HS3ST4: variants seen among roughly 807,000 people sequenced by gnomAD.
The protein encoded by HS3ST4 is heparan sulfate glucosamine 3-O-sulfotransferase 4.
A neutral mutation model predicts 29.2 loss-of-function variants in HS3ST4; 17 were observed. That is an observed-to-expected ratio of 0.58 (90% CI 0.40 to 0.87). The LOEUF is 0.87. Ranked by LOEUF, HS3ST4 falls within the 40% of genes least tolerant of loss-of-function variation. HS3ST4 has a pLI of 0.00. For missense variants in HS3ST4, 627 were observed against 634.5 expected (o/e 0.99, Z 0.13); for synonymous variants, 314 against 285.7 (o/e 1.10, Z -1.00).
intron 1 of HS3ST4, among the ~76,000 whole-genome samples, chr16:25,761,595 G>C (rs1350786347): frequency 1.3e-5 from 2 of 152,162 alleles, no homozygotes; most frequent in Non-Finnish European, 2.9e-5. Flanking sequence ...AGCCTAACAT[G>C]AAGATTGAGC....
At chr16:25,951,960 C>G (rs955742411) in intron 1 of HS3ST4, among the ~76,000 whole-genome samples, 2 of 150,960 alleles carry the variant, frequency 1.3e-5, no homozygotes, top group African/African-American at 2.4e-5. Context: ...GCACATGTAC[C>G]CTGGAACTTA....
chr16:25,731,207 C>A (rs1966567993), intron 1 of HS3ST4, among the ~76,000 whole-genome samples: 1 of 152,178 alleles, frequency 6.6e-6, no homozygotes, highest in Non-Finnish European at 1.5e-5. Flanking sequence ...CAGCCTCCTG[C>A]CATTGGAGGT....
intron 1 of HS3ST4, among the ~76,000 whole-genome samples, chr16:25,741,976 T>C (rs1483535381): frequency 1.3e-5 from 2 of 152,082 alleles, no homozygotes; most frequent in African/African-American, 4.8e-5. Context: ...AAAAAAAGAG[T>C]ATGTGAGTAA....
intron 1 of HS3ST4, among the ~76,000 whole-genome samples, chr16:25,778,291 T>G (rs1174195473): frequency 6.6e-6 from 1 of 152,206 alleles, no homozygotes; most frequent in Non-Finnish European, 1.5e-5. Context: ...TTGAGGGCCT[T>G]AGCTCTGGTA....
intron 1 of HS3ST4, among the ~76,000 whole-genome samples, chr16:25,774,102 C>A (rs998443365): frequency 1.3e-5 from 2 of 152,150 alleles, no homozygotes; most frequent in Admixed American, 1.3e-4. Context: ...AAGAACTAGT[C>A]CCTGCCCATG....
intron 1 of HS3ST4, among the ~76,000 whole-genome samples, chr16:25,757,432 A>T (rs1249323845): frequency 6.6e-6 from 1 of 151,992 alleles, no homozygotes; most frequent in Non-Finnish European, 1.5e-5. Context: ...CATTTCTTAT[A>T]AGTTGAAGAT....
At chr16:25,721,244 A>G (rs186962477) in intron 1 of HS3ST4, among the ~76,000 whole-genome samples, 1 of 152,156 alleles carries the variant, frequency 6.6e-6, no homozygotes, top group African/African-American at 2.4e-5. Context: ...TTTTCTTTAA[A>G]TGTGCCTGTG....
intron 1 of HS3ST4, among the ~76,000 whole-genome samples, chr16:25,708,733 A>G (rs993014777): frequency 1.3e-5 from 2 of 152,124 alleles, no homozygotes; most frequent in African/African-American, 4.8e-5. Context: ...TTTCTTCTGT[A>G]TTTATGGGTT....
At chr16:25,821,889 A>G (rs1967160809) in intron 1 of HS3ST4, among the ~76,000 whole-genome samples, 1 of 152,086 alleles carries the variant, frequency 6.6e-6, no homozygotes, top group African/African-American at 2.4e-5. Context: ...AGCCAACTCC[A>G]TCTCTTAAAG....
intron 1 of HS3ST4, among the ~76,000 whole-genome samples, chr16:25,802,741 G>A (rs765237208): frequency 6.6e-6 from 1 of 151,968 alleles, no homozygotes; most frequent in Admixed American, 6.6e-5. Context: ...CAATGTATTC[G>A]TTATGTTTAT....
At chr16:25,788,544 C>CTTTTT (rs565611368) in intron 1 of HS3ST4, among the ~76,000 whole-genome samples, 16 of 123,550 alleles carry the variant, frequency 1.3e-4, no homozygotes, top group Admixed American at 1.9e-4. Context: ...TTTCTTCTTT[C>CTTTTT]TTTTTTTTTT....
At chr16:26,003,085 A>T (rs1362066014) in intron 1 of HS3ST4, among the ~76,000 whole-genome samples, 1 of 152,186 alleles carries the variant, frequency 6.6e-6, no homozygotes, top group African/African-American at 2.4e-5. Context: ...AGATTGGTTA[A>T]ATCTCTGTCA....
At chr16:26,104,097 A>T (rs1215634938) in intron 1 of HS3ST4, among the ~76,000 whole-genome samples, 7 of 152,212 alleles carry the variant, frequency 4.6e-5, no homozygotes, top group Non-Finnish European at 1.0e-4. Context: ...TGATGTAACC[A>T]CTAGGTGAGT....
At chr16:25,980,804 C>G (rs1968996612) in intron 1 of HS3ST4, among the ~76,000 whole-genome samples, 1 of 152,140 alleles carries the variant, frequency 6.6e-6, no homozygotes, top group South Asian at 2.1e-4. Flanking sequence ...CCACGCCACT[C>G]AGGGCCATAT....
intron 1 of HS3ST4, among the ~76,000 whole-genome samples, chr16:26,095,474 G>T (rs1367135982): frequency 1.3e-5 from 2 of 152,264 alleles, no homozygotes; most frequent in South Asian, 2.1e-4. Flanking sequence ...ACTCAAAATC[G>T]CACAACTACA....
At chr16:25,830,259 G>GT (rs1194123406) in intron 1 of HS3ST4, among the ~76,000 whole-genome samples, 1 of 152,212 alleles carries the variant, frequency 6.6e-6, no homozygotes, top group Non-Finnish European at 1.5e-5. Flanking sequence ...GGTTATCAAT[G>GT]TAAGATCAGT....
At chr16:25,794,424 A>G (rs1966877247) in intron 1 of HS3ST4, among the ~76,000 whole-genome samples, 1 of 151,762 alleles carries the variant, frequency 6.6e-6, no homozygotes, top group African/African-American at 2.4e-5. Flanking sequence ...GTCCCTGGCA[A>G]TGAATTCTCT....
chr16:25,788,346 C>T (rs1178774009), intron 1 of HS3ST4, among the ~76,000 whole-genome samples: 1 of 149,406 alleles, frequency 6.7e-6, no homozygotes, highest in Non-Finnish European at 1.5e-5. Flanking sequence ...ACCTGGGAGG[C>T]GGAGGTTGCA....
chr16:25,975,290 G>T (rs1968933678), intron 1 of HS3ST4, among the ~76,000 whole-genome samples: 1 of 151,274 alleles, frequency 6.6e-6, no homozygotes, highest in African/African-American at 2.4e-5. Context: ...GAGCCTATTA[G>T]AGGGGGAAGG....
Sources: gnomAD v4.1 joint callset for allele counts (sites outside exome capture counted in the v4.1 genomes callset) on GRCh38, gnomAD v4.1.1 for gene constraint, MANE v1.5 for transcripts, NCBI Gene and HGNC (gene_info 2026-07-23, HGNC 2026-07-21) for gene names.